The following ATXN10 variants were observed in gnomAD, a reference collection of about 807,000 sequenced individuals.
ATXN10 encodes ataxin 10.
A neutral mutation model predicts 52.9 loss-of-function variants in ATXN10; 28 were observed. The ratio of observed to expected loss-of-function variants is 0.53; its 90% CI spans 0.39 to 0.73. The LOEUF (loss-of-function observed/expected upper bound fraction) is 0.73, where lower values mean the gene tolerates loss of function less well. ATXN10 is among the 30% of genes least tolerant of loss of function. The pLI, the probability that ATXN10 is intolerant of heterozygous loss-of-function variation, is 0.00. For missense variants in ATXN10, 565 were observed against 577.0 expected (o/e 0.98, Z 0.21); for synonymous variants, 226 against 221.5 (o/e 1.02, Z -0.18).
At chr22:45,765,289 T>C (rs938012110) in intron 9 of ATXN10, among the ~76,000 whole-genome samples, 1 of 152,046 alleles carries the variant, frequency 6.6e-6, no homozygotes, top group Admixed American at 6.5e-5. Context: ...ACAGAGAGGC[T>C]GTGAGGAGCA....
At chr22:45,793,949 C>T (rs1052775814) in intron 9 of ATXN10, among the ~76,000 whole-genome samples, 2 of 152,196 alleles carry the variant, frequency 1.3e-5, no homozygotes, top group Non-Finnish European at 2.9e-5. Context: ...GCAGTGTGCC[C>T]AGAATAGCAG....
chr22:45,812,756 C>A (rs1928324007), intron 10 of ATXN10, among the ~76,000 whole-genome samples: 1 of 152,180 alleles, frequency 6.6e-6, no homozygotes, highest in Admixed American at 6.5e-5. Context: ...TGGATAATGT[C>A]CTTCTTGGGA....
At chr22:45,700,772 G>C (rs1250971325) in intron 4 of ATXN10, among the ~76,000 whole-genome samples, 1 of 152,042 alleles carries the variant, frequency 6.6e-6, no homozygotes, top group Non-Finnish European at 1.5e-5. Context: ...TCAAAGTATG[G>C]GCAATGAATT....
intron 10 of ATXN10, among the ~76,000 whole-genome samples, chr22:45,810,949 A>C (rs777957180): frequency 6.6e-6 from 1 of 152,118 alleles, no homozygotes; most frequent in Non-Finnish European, 1.5e-5. Context: ...AGTTTTTGCA[A>C]ATATTCTATG....
chr22:45,746,381 G>GA lies in ATXN10; in HGVS notation c.1173+5852dup, dbSNP rs555881127. Among the ~76,000 whole-genome samples the GA allele has an allele frequency of 6.8e-4, 102 of 149,278 alleles. 2 individuals carry two copies. In the South Asian group the frequency reaches 0.02, roughly 29 times the overall value. On this transcript the variant is annotated intron_variant, in intron 9 of 11. Transcript: ENST00000252934. ...TTTGTCTGTTAAATCATGAAAAACT[G>GA]AAAAAAAAAGTCTATGGCTATTTCC...
intron 5 of ATXN10, among the ~76,000 whole-genome samples, chr22:45,709,921 T>C (rs1924181405): frequency 6.6e-6 from 1 of 152,188 alleles, no homozygotes; most frequent in Non-Finnish European, 1.5e-5. Flanking sequence ...TCTTTCACTC[T>C]CACCCACTTA....
rs1374919781 is a variant in ATXN10, at chr22:45,688,439, T to C, written c.117-1273T>C. On this transcript the variant is annotated intron_variant, in intron 1 of 11. Coordinates refer to ENST00000252934, the MANE Select transcript of ATXN10 (RefSeq NM_013236.4). This position sits in a 1 kb window ranked among gnomAD's most constrained non-coding sequence, Gnocchi z 4.0. ...GTAAGGATTCATGTTGTTTGGGTCA[T>C]AAATTTGACTCCAGACTTAAGAAAG... Among the ~76,000 whole-genome samples, 1 of 152,192 alleles carries C rather than the reference T, an allele frequency of 6.6e-6. No homozygotes were observed. Among genetic ancestry groups the C allele is most frequent in the Non-Finnish European group, 1.5e-5 (1 of 68,036 alleles).
At chr22:45,796,652 C>T (rs547297306) in intron 9 of ATXN10, among the ~76,000 whole-genome samples, 8 of 152,280 alleles carry the variant, frequency 5.3e-5, no homozygotes, top group South Asian at 4.1e-4. Context: ...AAAGAACCTA[C>T]GTTGAAATAT....
chr22:45,759,632 G>C lies in ATXN10; in HGVS notation c.1173+19094G>C, dbSNP rs575265281. On this transcript the variant is annotated intron_variant, in intron 9 of 11. Transcript: ENST00000252934. The surrounding 1 kb of genome is among the most constrained non-coding windows in gnomAD (Gnocchi z 5.4). ...GCTGAGGCTGCACGAGGATGAGCAAGGTTTCATAATGTCCTCCAGAGGCCA... is the reference window on the plus strand; with the variant it reads ...GCTGAGGCTGCACGAGGATGAGCAACGTTTCATAATGTCCTCCAGAGGCCA... 6.6e-6 allele frequency among the ~76,000 whole-genome samples: 1 copy of C among 152,238 alleles called. No individual in the cohort carries two copies. Among genetic ancestry groups the C allele is most frequent in the Non-Finnish European group, 1.5e-5 (1 of 68,016 alleles).
Position 45,769,119 on chromosome 22 carries a change from T to C in ATXN10, c.1173+28581T>C, listed in dbSNP as rs115950522. On this transcript the variant is annotated intron_variant, in intron 9 of 11. Transcript: ENST00000252934. This position sits in a 1 kb window ranked among gnomAD's most constrained non-coding sequence, Gnocchi z 4.2. ...ATTATACCTCCCTCTCTCTGTACTT[T>C]GTGGTGTGTTTGGAAATTTTCATTT... Among the ~76,000 whole-genome samples the C allele has an allele frequency of 1.9e-3, 288 of 152,186 alleles. 2 individuals are homozygous for C. Among genetic ancestry groups the C allele is most frequent in the African/African-American group, 6.4e-3 (266 of 41,526 alleles).
At chr22:45,788,037 G>C (rs1382442704) in intron 9 of ATXN10, among the ~76,000 whole-genome samples, 1 of 152,124 alleles carries the variant, frequency 6.6e-6, no homozygotes, top group African/African-American at 2.4e-5. Flanking sequence ...TTTCTCTCCT[G>C]AGACCTTTAT....
chr22:45,686,546 G>A (rs550506064), intron 1 of ATXN10, among the ~76,000 whole-genome samples: 1 of 152,132 alleles, frequency 6.6e-6, no homozygotes, highest in Non-Finnish European at 1.5e-5. Flanking sequence ...CAGGCCAGGC[G>A]CAGTGGCTCA....
intron 10 of ATXN10, among the ~76,000 whole-genome samples, chr22:45,809,799 T>G (rs1928221743): frequency 6.6e-6 from 1 of 152,202 alleles, no homozygotes. Flanking sequence ...TAACACATCT[T>G]TATATATTCT....
chr22:45,794,404 A>G (rs1181979131), intron 9 of ATXN10, among the ~76,000 whole-genome samples: 3 of 151,266 alleles, frequency 2.0e-5, no homozygotes, highest in African/African-American at 7.3e-5. Context: ...TATTTTATCT[A>G]GGTTGTCTAA....
chr22:45,843,438 A>G lies in ATXN10; in HGVS notation c.1426-231A>G, dbSNP rs1365080284. Among the ~76,000 whole-genome samples the G allele has an allele frequency of 6.6e-6, 1 of 152,262 alleles. No homozygotes were observed. The highest frequency in any genetic ancestry group is 2.4e-5 in the African/African-American group (1 of 41,470). ...ACAAAAGGCATATCAAAAGTTATACATGGTCTAAAAGTAAGTTACTCATAG... is the reference window on the plus strand; with the variant it reads ...ACAAAAGGCATATCAAAAGTTATACGTGGTCTAAAAGTAAGTTACTCATAG... On this transcript the variant is annotated intron_variant, in intron 11 of 11. Coordinates refer to ENST00000252934, the MANE Select transcript of ATXN10 (RefSeq NM_013236.4). The surrounding 1 kb of genome is among the most constrained non-coding windows in gnomAD (Gnocchi z 4.5).
intron 10 of ATXN10, among the ~76,000 whole-genome samples, chr22:45,809,242 T>C (rs1191626494): frequency 6.6e-6 from 1 of 152,218 alleles, no homozygotes; most frequent in African/African-American, 2.4e-5. Flanking sequence ...CTGATGCTTC[T>C]TCCAGGCCAT....
chr22:45,702,181 A>G (rs2146754078), intron 4 of ATXN10, among the ~76,000 whole-genome samples: 1 of 152,294 alleles, frequency 6.6e-6, no homozygotes, highest in East Asian at 1.9e-4. Flanking sequence ...ATAATTGACA[A>G]TCAATATGTC....
chr22:45,776,832 A>T, intron 9 of ATXN10, among the ~76,000 whole-genome samples: 1 of 152,176 alleles, frequency 6.6e-6, no homozygotes, highest in African/African-American at 2.4e-5. Flanking sequence ...ATTCTAATTA[A>T]ATTATGTTTT....
chr22:45,797,377 A>C (rs1470225931), intron 9 of ATXN10, among the ~76,000 whole-genome samples: 1 of 152,272 alleles, frequency 6.6e-6, no homozygotes, highest in Non-Finnish European at 1.5e-5. Context: ...CTGTCTCTAC[A>C]GCAGAATTAT....
Sources: gnomAD v4.1 joint callset for allele counts (sites outside exome capture counted in the v4.1 genomes callset) on GRCh38, gnomAD v4.1.1 for gene constraint, Gnocchi (gnomAD v3.1) non-coding constraint, MANE v1.5 for transcripts, NCBI Gene and HGNC (gene_info 2026-07-23, HGNC 2026-07-21) for gene names.